Variants in FOXO1 observed in about 807,000 individuals in gnomAD.
FOXO1 encodes forkhead box protein O1.
In FOXO1, 6 loss-of-function variants were observed where a neutral mutation model predicts 44.1. The ratio of observed to expected loss-of-function variants is 0.14; its 90% confidence interval spans 0.07 to 0.27. The LOEUF (loss-of-function observed/expected upper bound fraction) is 0.27, where lower values mean the gene tolerates loss of function less well. Ranked by LOEUF, FOXO1 falls within the 10% of genes least tolerant of loss-of-function variation. The pLI is 1.00. For missense variants in FOXO1, 737 were observed against 888.8 expected, an observed-to-expected ratio of 0.83 and a Z score of 2.17; for synonymous variants, 380 against 362.7, an observed-to-expected ratio of 1.05 and a Z score of -0.54.
rs535079734 is a variant in FOXO1 at position 40,560,648 on chromosome 13, C to T, written c.843G>A (p.Gln281=). ...ATCCAGGGCTGTCCCCAGCACCCTC[C>T]TGGCCAGACTGGAGAGATGCTTTCT... ...AKKKASLQSG[Q]EGAGDSPGSQ... The change falls in exon 2 of 3, where the codon CAG becomes CAA. Residue 281 remains glutamine, a synonymous_variant. Coordinates refer to ENST00000379561, the MANE Select transcript of FOXO1 (RefSeq NM_002015.4). The surrounding 1 kb of genome is among the most constrained non-coding windows in gnomAD (Gnocchi z 5.1). 6.2e-7 allele frequency: 1 copy of T among 1,614,196 alleles called. No homozygotes were observed. Among genetic ancestry groups the T allele is most frequent in the African/African-American group, 1.3e-5 (1 of 75,062 alleles).
intron 1 of FOXO1, among the ~76,000 whole-genome samples, chr13:40,583,788 C>A (rs763690015): frequency 9.2e-5 from 14 of 152,172 alleles, no homozygotes; most frequent in African/African-American, 2.9e-4. Context: ...GGCTGTTTTG[C>A]TTTCTTATAA....
In FOXO1 at chr13:40,572,587, C is replaced by T. The variant is rs182179682; in HGVS notation, c.631-11727G>A. Among the ~76,000 whole-genome samples the T allele has an allele frequency of 4.4e-4, 67 of 152,284 alleles. 1 individual carries two copies. Among genetic ancestry groups the T allele is most frequent in the African/African-American group, 1.4e-3 (58 of 41,548 alleles). ...TAGGAAGCCTAATGCAACAACGACT[C>T]GAGACTGCCGAATATATATGTTTGT... On this transcript the variant is annotated intron_variant, in intron 1 of 2. Coordinates refer to ENST00000379561, the MANE Select transcript of FOXO1 (RefSeq NM_002015.4).
At chr13:40,659,329 AAAG>A (rs1426217442) in intron 1 of FOXO1, among the ~76,000 whole-genome samples, 10 of 145,612 alleles carry the variant, frequency 6.9e-5, no homozygotes, top group South Asian at 2.2e-4. Flanking sequence ...AAAAAAAAAA[AAAG>A]AAAAGAAAAG....
chr13:40,636,945 G>A (rs540384420), intron 1 of FOXO1, among the ~76,000 whole-genome samples: 1 of 152,156 alleles, frequency 6.6e-6, no homozygotes, highest in African/African-American at 2.4e-5. Flanking sequence ...TGTTCTTTAG[G>A]CACCTTACCA....
chr13:40,609,158 AT>A (rs1195032797), intron 1 of FOXO1, among the ~76,000 whole-genome samples: 1 of 152,176 alleles, frequency 6.6e-6, no homozygotes, highest in Non-Finnish European at 1.5e-5. Flanking sequence ...TATCGTTATC[AT>A]TTGTAATTTT....
chr13:40,608,502 GTTAT>G (rs756373234), intron 1 of FOXO1, among the ~76,000 whole-genome samples: 121 of 152,270 alleles, frequency 7.9e-4, no homozygotes, highest in Admixed American at 7.8e-4. Context: ...GACTTTTGGG[GTTAT>G]TTGTTATGGA....
At chr13:40,620,314 A>C in intron 1 of FOXO1, 2 of 899,794 alleles carry the variant, frequency 2.2e-6, no homozygotes, top group South Asian at 1.3e-5. Context: ...CTAACAGAAC[A>C]TACAGTCACT....
chr13:40,659,327 AAAAAG>A (rs1295939329), intron 1 of FOXO1, among the ~76,000 whole-genome samples: 42 of 151,232 alleles, frequency 2.8e-4, no homozygotes, highest in Admixed American at 9.2e-4. Context: ...AAAAAAAAAA[AAAAAG>A]AAAAGAAAAG....
At position 40,666,089 on chromosome 13, in the gene FOXO1, G is replaced by A. The variant is rs931846569; in HGVS notation, c.124C>T (p.Pro42Ser). ...GCAGCCGCGCTGCCCGACGGCGCCG[G>A]GCTGGAGGTGGCCGAGTTGGACTGG... ...FSQSNSATSS[P>S]APSGSAAANP... is the part of the protein sequence containing the mutation. The change falls in exon 1 of 3, where the codon CCG becomes TCG. Residue 42 changes from proline to serine, a missense_variant. Around this residue, in one of 7 missense-constraint regions of FOXO1, gnomAD observed 213 missense variants for 236.4 expected, o/e 0.90. Transcript: ENST00000379561. 1 of 1,383,410 alleles carries A rather than the reference G, an allele frequency of 7.2e-7. No individual in the cohort carries two copies. The highest frequency in any genetic ancestry group is 9.4e-7 in the Non-Finnish European group (1 of 1,068,178). The allele number at this position is 1,383,410 out of a possible 1,614,324, so 85.7% of individuals were successfully genotyped here.
intron 1 of FOXO1, among the ~76,000 whole-genome samples, chr13:40,598,082 G>A (rs907610288): frequency 3.3e-5 from 5 of 152,128 alleles, no homozygotes; most frequent in African/African-American, 1.2e-4. Context: ...AAGACTGACA[G>A]GGAATAAAAT....
chr13:40,559,966 TGC>T lies in FOXO1; in HGVS notation c.1523_1524del (p.Gly508GlufsTer6). The T allele has an allele frequency of 6.2e-7, 1 of 1,614,164 alleles. No individual in the cohort carries two copies. On this transcript the variant is annotated frameshift_variant, in exon 2 of 3. Transcript: ENST00000379561. LOFTEE classifies it high-confidence loss of function. ...ATCATTTTGTTATGAGATGCCTGGC[TGC>T]CATAGGTTGACATGACCGAATTAGG... ...MGPNSVMSTY[G>X]SQASHNKMMN...
At position 40,561,890 on chromosome 13, in the gene FOXO1, C is replaced by A. The variant is rs1041169795; in HGVS notation, c.631-1030G>T. ...AGGCTGAGGCAGGAGAAGGAGACTGCGGTGAGCTGAGATCACTCCAGCCTG... is the reference window on the plus strand; with the variant it reads ...AGGCTGAGGCAGGAGAAGGAGACTGAGGTGAGCTGAGATCACTCCAGCCTG... On this transcript the variant is annotated intron_variant, in intron 1 of 2. Transcript: ENST00000379561. Among the ~76,000 whole-genome samples the A allele has an allele frequency of 2.2e-5, 3 of 138,026 alleles. No individual in the cohort carries two copies. In the South Asian group the frequency reaches 7.2e-4, roughly 33 times the overall value. 90.6% of individuals were successfully genotyped at this position (138,026 alleles called of 152,430 possible).
intron 1 of FOXO1, among the ~76,000 whole-genome samples, chr13:40,638,349 G>A (rs1316924041): frequency 6.6e-6 from 1 of 151,946 alleles, no homozygotes; most frequent in African/African-American, 2.4e-5. Context: ...AGTGATGTAA[G>A]GAAGACATTA....
intron 1 of FOXO1, among the ~76,000 whole-genome samples, chr13:40,624,951 T>C (rs1026429278): frequency 5.3e-5 from 8 of 152,194 alleles, no homozygotes; most frequent in African/African-American, 1.9e-4. Context: ...TGCCAACCAA[T>C]CATAAAACAT....
intron 1 of FOXO1, among the ~76,000 whole-genome samples, chr13:40,624,866 T>C (rs1261062756): frequency 6.6e-6 from 1 of 152,230 alleles, no homozygotes; most frequent in African/African-American, 2.4e-5. Context: ...TAACACAGAA[T>C]ATTTCTGGAA....
At chr13:40,576,884 T>C (rs992221020) in intron 1 of FOXO1, among the ~76,000 whole-genome samples, 2 of 152,246 alleles carry the variant, frequency 1.3e-5, no homozygotes, top group African/African-American at 4.8e-5. Context: ...ATTTGGTTCT[T>C]ACATTTTGAA....
chr13:40,607,707 T>C (rs559843166), intron 1 of FOXO1, among the ~76,000 whole-genome samples: 3 of 152,372 alleles, frequency 2.0e-5, no homozygotes, highest in Admixed American at 6.5e-5. Flanking sequence ...AAAGTCATTC[T>C]GTTGCCTTGA....
chr13:40,666,188 C>G lies in FOXO1; in HGVS notation c.25G>C (p.Glu9Gln). MAEAPQVV[E>Q]IDPDFEPLPR... ...AGCGGCTCGAAGTCCGGGTCGATCT[C>G]CACCACCTGAGGCGCCTCGGCCATG... The change falls in exon 1 of 3, where the codon GAG becomes CAG. Residue 9 changes from glutamate (E) to glutamine (Q), a missense_variant. Glu to Gln is a conservative substitution (Grantham distance 29). This residue lies in a region of FOXO1 where 213 missense variants were observed against 236.4 expected (regional missense o/e 0.90). Coordinates refer to ENST00000379561, the MANE Select transcript of FOXO1 (RefSeq NM_002015.4). The G allele has an allele frequency of 6.9e-7, 1 of 1,453,198 alleles. No individual in the cohort carries two copies. Among genetic ancestry groups the G allele is most frequent in the Non-Finnish European group, 9.0e-7 (1 of 1,105,092 alleles). The allele number at this position is 1,453,198 out of a possible 1,614,324, so 90.0% of individuals were successfully genotyped here.
At chr13:40,619,223 G>A in intron 1 of FOXO1, 1 of 361,772 alleles carries the variant, frequency 2.8e-6, no homozygotes, top group Non-Finnish European at 5.3e-6. Context: ...GAATCTGGGA[G>A]GCGGAGTTTG....
Sources: allele counts gnomAD v4.1 joint callset (sites outside exome capture counted in the v4.1 genomes callset), GRCh38; gene constraint gnomAD v4.1.1; regional missense constraint gnomAD v4.1.1; non-coding constraint Gnocchi (gnomAD v3.1); transcripts MANE v1.5; gene names NCBI Gene and HGNC (gene_info 2026-07-23, HGNC 2026-07-21).